LUZP2: variants seen among roughly 807,000 people sequenced by gnomAD.
LUZP2 encodes the protein leucine zipper protein 2.
Under a neutral mutation model 51.6 loss-of-function variants are expected in LUZP2, and 52 were observed. The observed-to-expected ratio is 1.01, with a 90% CI of 0.81 to 1.27. The LOEUF (loss-of-function observed/expected upper bound fraction) is 1.27, where lower values mean the gene tolerates loss of function less well. Among genes scored for constraint, LUZP2 ranks in the 50% most tolerant of loss-of-function variants. The probability of loss-of-function intolerance (pLI) is 0.00; values close to 1 mark genes in which losing one functional copy is unlikely to be tolerated. For synonymous variants in LUZP2, 154 were observed against 137.3 expected (o/e 1.12, Z -0.85); for missense variants, 436 against 395.4 (o/e 1.10, Z -0.87).
intron 1 of LUZP2, among the ~76,000 whole-genome samples, chr11:24,631,974 C>T (rs1228991187): frequency 6.6e-6 from 1 of 151,980 alleles, no homozygotes; most frequent in Non-Finnish European, 1.5e-5. Flanking sequence ...CTGCTGCTGC[C>T]TATTTCTGGC....
At chr11:24,543,654 C>G (rs71474704) in intron 1 of LUZP2, among the ~76,000 whole-genome samples, 5 of 151,794 alleles carry the variant, frequency 3.3e-5, no homozygotes, top group Admixed American at 2.0e-4. Context: ...AATTCCGTCT[C>G]TACTAAAAAT....
intron 7 of LUZP2, among the ~76,000 whole-genome samples, chr11:24,946,704 A>G (rs1854910862): frequency 6.6e-6 from 1 of 151,856 alleles, no homozygotes; most frequent in Non-Finnish European, 1.5e-5. Flanking sequence ...AGCTGAGAGA[A>G]TGTAGAGTAA....
At chr11:24,517,009 T>C (rs1320404991) in intron 1 of LUZP2, among the ~76,000 whole-genome samples, 1 of 152,228 alleles carries the variant, frequency 6.6e-6, no homozygotes, top group African/African-American at 2.4e-5. Flanking sequence ...AATTTCTTAT[T>C]ACCATCTGTT....
At chr11:24,906,208 A>T (rs1431739793) in intron 6 of LUZP2, among the ~76,000 whole-genome samples, 155 bp downstream of exon 6, 1 of 151,948 alleles carries the variant, frequency 6.6e-6, no homozygotes, top group Non-Finnish European at 1.5e-5. Context: ...ACCTTTTGGT[A>T]TCTTTGTGTT....
chr11:24,994,488 T>A (rs1019525494), intron 9 of LUZP2, among the ~76,000 whole-genome samples: 1 of 152,202 alleles, frequency 6.6e-6, no homozygotes, highest in African/African-American at 2.4e-5. Context: ...TTAATCTATA[T>A]GCCTATCTAT....
chr11:24,766,584 G>A (rs949121390), intron 5 of LUZP2, among the ~76,000 whole-genome samples: 2 of 152,128 alleles, frequency 1.3e-5, no homozygotes, highest in African/African-American at 4.8e-5. Flanking sequence ...ATTGAAACAA[G>A]AGATTTAAGA....
At chr11:24,746,632 C>T (rs572928106) in intron 4 of LUZP2, among the ~76,000 whole-genome samples, 36 of 152,232 alleles carry the variant, frequency 2.4e-4, no homozygotes, top group African/African-American at 8.4e-4. Context: ...TTCAATTATT[C>T]CCCCAAATAG....
At chr11:24,568,455 A>G (rs1564996705) in intron 1 of LUZP2, among the ~76,000 whole-genome samples, 1 of 151,970 alleles carries the variant, frequency 6.6e-6, no homozygotes, top group Non-Finnish European at 1.5e-5. Context: ...AATATTTAAT[A>G]ATGATAAAAA....
chr11:25,036,584 C>G (rs1275804782), intron 9 of LUZP2, among the ~76,000 whole-genome samples: 1 of 151,476 alleles, frequency 6.6e-6, no homozygotes, highest in African/African-American at 2.4e-5. Context: ...TGAGATTCTT[C>G]TAACATCTTG....
chr11:25,053,094 C>A (rs560699203), intron 10 of LUZP2, among the ~76,000 whole-genome samples: 1 of 152,030 alleles, frequency 6.6e-6, no homozygotes, highest in African/African-American at 2.4e-5. Context: ...GAACCTGAAT[C>A]TAGGCAATCA....
intron 9 of LUZP2, among the ~76,000 whole-genome samples, chr11:25,040,234 A>G (rs1297749190): frequency 1.3e-5 from 2 of 151,994 alleles, no homozygotes; most frequent in African/African-American, 4.8e-5. Flanking sequence ...TTCTCAAAGC[A>G]ATGACTTGCT....
chr11:24,543,405 A>G (rs982335550), intron 1 of LUZP2, among the ~76,000 whole-genome samples: 18 of 152,064 alleles, frequency 1.2e-4, no homozygotes, highest in Admixed American at 3.9e-4. Flanking sequence ...CTATGTGACC[A>G]TGTCTCTGAA....
chr11:24,639,793 CT>C (rs1855221563), intron 1 of LUZP2, among the ~76,000 whole-genome samples: 1 of 151,614 alleles, frequency 6.6e-6, no homozygotes, highest in Non-Finnish European at 1.5e-5. Flanking sequence ...CAAACCATCT[CT>C]TTCCTCTACT....
At chr11:24,663,552 T>C (rs1231487436) in intron 1 of LUZP2, among the ~76,000 whole-genome samples, 1 of 152,208 alleles carries the variant, frequency 6.6e-6, no homozygotes, top group African/African-American at 2.4e-5. Context: ...TTATATTTTT[T>C]CCCATAGTAA....
At chr11:24,989,737 A>T (rs970293234) in intron 9 of LUZP2, among the ~76,000 whole-genome samples, 5 of 152,152 alleles carry the variant, frequency 3.3e-5, no homozygotes, top group African/African-American at 9.6e-5. Context: ...TTTGGGTTAT[A>T]TTCAAAGAGA....
intron 5 of LUZP2, among the ~76,000 whole-genome samples, chr11:24,826,190 A>AAAAAAAAAATATAT (rs1215786412): frequency 1.3e-4 from 9 of 67,550 alleles, no homozygotes; most frequent in African/African-American, 4.7e-4. Context: ...AAAAAAAAAA[A>AAAAAAAAAATATAT]ATATATATAT....
At chr11:24,776,270 C>T (rs538713002) in intron 5 of LUZP2, among the ~76,000 whole-genome samples, 177 of 152,236 alleles carry the variant, frequency 1.2e-3, no homozygotes, top group African/African-American at 4.0e-3. Flanking sequence ...AAACAATAGC[C>T]TATGGAGAAA....
At chr11:24,627,230 A>G (rs1454519987) in intron 1 of LUZP2, among the ~76,000 whole-genome samples, 1 of 152,216 alleles carries the variant, frequency 6.6e-6, no homozygotes, top group African/African-American at 2.4e-5. Context: ...CTCAAAGCAG[A>G]CATAGGCAAA....
chr11:24,575,107 G>T (rs192233244), intron 1 of LUZP2, among the ~76,000 whole-genome samples: 50 of 151,860 alleles, frequency 3.3e-4, no homozygotes, highest in African/African-American at 1.1e-3. Context: ...TTTAAGCTTC[G>T]ACCATTTCAA....
Sources: gnomAD v4.1 joint callset for allele counts (sites outside exome capture counted in the v4.1 genomes callset) on GRCh38, gnomAD v4.1.1 for gene constraint, MANE v1.5 for transcripts, NCBI Gene and HGNC (gene_info 2026-07-23, HGNC 2026-07-21) for gene names.